RBFOX1: variants seen among roughly 807,000 people sequenced by gnomAD.
RBFOX1 encodes the protein RNA binding protein fox-1 homolog 1.
A neutral mutation model predicts 57.7 loss-of-function variants in RBFOX1; 8 were observed. The observed-to-expected ratio is 0.14, with a 90% CI of 0.08 to 0.25. RBFOX1 has a LOEUF of 0.25. Ranked by LOEUF, RBFOX1 falls within the 10% of genes least tolerant of loss-of-function variation. The pLI, the probability that RBFOX1 is intolerant of heterozygous loss-of-function variation, is 1.00. For missense variants in RBFOX1, 611 were observed against 548.5 expected, an observed-to-expected ratio of 1.11 and a Z score of -1.14; for synonymous variants, 326 against 222.4, an observed-to-expected ratio of 1.47 and a Z score of -4.15.
intron 3 of RBFOX1, among the ~76,000 whole-genome samples, chr16:6,724,657 C>G (rs1330850564): frequency 1.3e-5 from 2 of 152,040 alleles, no homozygotes; most frequent in Non-Finnish European, 1.5e-5. Flanking sequence ...TTATAGCAGC[C>G]CGAATAGACT....
At chr16:5,431,409 C>T (rs144975205) in intron 1 of RBFOX1, among the ~76,000 whole-genome samples, 2 of 152,142 alleles carry the variant, frequency 1.3e-5, no homozygotes, top group Non-Finnish European at 2.9e-5. Flanking sequence ...GAGTCTCGCT[C>T]TGTTACCCAG....
chr16:7,040,867 G>T (rs1049674042), intron 3 of RBFOX1, among the ~76,000 whole-genome samples: 38 of 152,032 alleles, frequency 2.5e-4, no homozygotes, highest in Non-Finnish European at 5.1e-4. Context: ...ACAGCTCACT[G>T]CGTGATTCTG....
intron 4 of RBFOX1, among the ~76,000 whole-genome samples, chr16:7,470,017 G>GT (rs35706487): frequency 0.06 from 8,604 of 143,072 alleles, 418 homozygotes; most frequent in African/African-American, 0.14. Context: ...GCATGGGTCA[G>GT]TTTTTTTTTT....
rs34423317 is a variant in RBFOX1 at position 5,563,097 on chromosome 16, C to T, written c.259-35805C>T. Among the ~76,000 whole-genome samples the T allele has an allele frequency of 2.0e-3, 303 of 152,184 alleles. 5 individuals are homozygous for T. Among genetic ancestry groups the T allele is most frequent in the Non-Finnish European group, 3.7e-4 (25 of 68,014 alleles). The stretch of plus-strand genomic sequence containing the variant: ...CCTGAGTAGCTGGGCTTACAGGCAC[C>T]CGCCACCATGTCTGGCTAATTTTTG... On this transcript the variant is annotated intron_variant, in intron 2 of 2. Transcript: ENST00000585867.
chr16:6,317,555 A>G (rs1248652245), intron 2 of RBFOX1, among the ~76,000 whole-genome samples: 3 of 152,078 alleles, frequency 2.0e-5, no homozygotes, highest in Admixed American at 2.0e-4. Flanking sequence ...AAAAAAAAAG[A>G]AATTTTTTAC....
intron 3 of RBFOX1, among the ~76,000 whole-genome samples, chr16:7,045,057 C>T (rs1056337822): frequency 6.6e-6 from 1 of 152,138 alleles, no homozygotes; most frequent in Non-Finnish European, 1.5e-5. Flanking sequence ...GCTCTTTCTT[C>T]ACGGAAGATG....
At chr16:6,011,555 G>A (rs938523699) in intron 4 of RBFOX1, among the ~76,000 whole-genome samples, 2 of 152,158 alleles carry the variant, frequency 1.3e-5, no homozygotes, top group Admixed American at 6.5e-5. Flanking sequence ...CAACTGCCGT[G>A]TAGGCTTCTC....
chr16:6,352,136 T>C (rs2086520269), intron 2 of RBFOX1, among the ~76,000 whole-genome samples: 2 of 152,144 alleles, frequency 1.3e-5, no homozygotes, highest in South Asian at 2.1e-4. Context: ...CTTTATATAA[T>C]AAAAAGCAAC....
At chr16:5,783,251 C>T (rs1333698773) in intron 3 of RBFOX1, among the ~76,000 whole-genome samples, 2 of 152,174 alleles carry the variant, frequency 1.3e-5, no homozygotes, top group Non-Finnish European at 2.9e-5. Flanking sequence ...AGAAATGCAC[C>T]TGTGTAACTA....
chr16:5,425,062 T>TATTTATTTA (rs1567491011), intron 1 of RBFOX1, among the ~76,000 whole-genome samples: 2 of 106,984 alleles, frequency 1.9e-5, no homozygotes, highest in Non-Finnish European at 4.0e-5. Flanking sequence ...CTTCCTTCCT[T>TATTTATTTA]TCTTATCTAT....
chr16:6,387,471 G>GAA (rs36100228), intron 2 of RBFOX1, among the ~76,000 whole-genome samples: 42,771 of 129,638 alleles, frequency 0.33, 7,415 homozygotes, highest in South Asian at 0.63. Context: ...ACTTGATTAG[G>GAA]AAAAAAAAAA....
At chr16:7,485,940 G>C (rs539221984) in intron 4 of RBFOX1, among the ~76,000 whole-genome samples, 103 of 152,190 alleles carry the variant, frequency 6.8e-4, no homozygotes, top group African/African-American at 2.4e-3. Flanking sequence ...CATGGTTGCT[G>C]TTTTGCTACA....
chr16:7,035,536 C>G (rs1171740965), intron 3 of RBFOX1, among the ~76,000 whole-genome samples: 1 of 152,158 alleles, frequency 6.6e-6, no homozygotes, highest in African/African-American at 2.4e-5. Flanking sequence ...CACTCAGTTT[C>G]TTTCTGAACG....
rs1054133572 is a variant in RBFOX1 at position 7,037,551 on chromosome 16, CACA to C, written c.-15-14492_-15-14490del. 5.3e-5 allele frequency among the ~76,000 whole-genome samples: 8 copies of C among 152,194 alleles called. No homozygotes were observed. The East Asian group carries it at 5.8e-4, about 11-fold the overall frequency. The stretch of plus-strand genomic sequence containing the variant: ...CTGTCAACTTATGAAAAGAAGAAAT[CACA>C]ACAACAACAACAAATGGACTACTGA... On this transcript the variant is annotated intron_variant, in intron 3 of 15. Transcript: ENST00000550418.
At chr16:5,774,094 T>G (rs1360009748) in intron 3 of RBFOX1, among the ~76,000 whole-genome samples, 1 of 152,208 alleles carries the variant, frequency 6.6e-6, no homozygotes, top group Non-Finnish European at 1.5e-5. Context: ...ATATGTAGTT[T>G]CATGGTTTAC....
rs139847539 is a variant in RBFOX1 at position 6,066,936 on chromosome 16, G to A, written c.-127+46944G>A. 1.8e-3 allele frequency among the ~76,000 whole-genome samples: 278 copies of A among 152,166 alleles called. 2 individuals carry two copies. The highest frequency in any genetic ancestry group is 0.014 in the Admixed American group (214 of 15,284). Reference sequence around the variant, plus strand: ...CCATTATGGTGTATTATGAAATGAAGCCTCAGCCTTGGTCTCCCAGAGTAG... The same window carrying A: ...CCATTATGGTGTATTATGAAATGAAACCTCAGCCTTGGTCTCCCAGAGTAG... On this transcript the variant is annotated intron_variant, in intron 1 of 15. Transcript: ENST00000550418.
chr16:6,207,718 C>A (rs1256929039), intron 1 of RBFOX1, among the ~76,000 whole-genome samples: 1 of 152,162 alleles, frequency 6.6e-6, no homozygotes, highest in African/African-American at 2.4e-5. Context: ...GACAGGGCCT[C>A]ACTCTGTCAC....
intron 4 of RBFOX1, among the ~76,000 whole-genome samples, chr16:7,446,029 A>G (rs2098805039): frequency 6.6e-6 from 1 of 152,108 alleles, no homozygotes; most frequent in Non-Finnish European, 1.5e-5. Context: ...AATTTGTAGC[A>G]TGGTCTTGCT....
chr16:7,613,671 A>C (rs1029624537), intron 10 of RBFOX1, among the ~76,000 whole-genome samples: 1 of 152,154 alleles, frequency 6.6e-6, no homozygotes. Flanking sequence ...ACCATGATTC[A>C]TCTCAGAATT....
Sources: allele counts gnomAD v4.1 joint callset (sites outside exome capture counted in the v4.1 genomes callset), GRCh38; gene constraint gnomAD v4.1.1; transcripts MANE v1.5; gene names NCBI Gene and HGNC (gene_info 2026-07-23, HGNC 2026-07-21).